Variants in COL4A1 observed in about 807,000 individuals in gnomAD.
COL4A1 encodes collagen alpha-1(IV) chain.
COL4A1 carries 40 observed loss-of-function variants against 216.6 expected under a neutral mutation model. The observed-to-expected ratio is 0.18, with a 90% CI of 0.14 to 0.24. The LOEUF (loss-of-function observed/expected upper bound fraction) is 0.24. Ranked by LOEUF, COL4A1 falls within the 10% of genes least tolerant of loss-of-function variation. COL4A1 has a pLI of 1.00. For missense variants in COL4A1, 1,628 were observed against 2,196.8 expected (o/e 0.74, Z 5.18); for synonymous variants, 839 against 810.7 (o/e 1.03, Z -0.59).
At chr13:110,304,978 T>A (rs1047710241) in intron 1 of COL4A1, among the ~76,000 whole-genome samples, 5 of 152,224 alleles carry the variant, frequency 3.3e-5, no homozygotes, top group Non-Finnish European at 5.9e-5. Context: ...TATTTCAGTG[T>A]TATGGTACAT....
chr13:110,265,867 A>C (rs1883007756), intron 1 of COL4A1: 1 of 152,140 alleles, frequency 6.6e-6, no homozygotes, highest in East Asian at 1.9e-4. Context: ...ACGAATTTCC[A>C]CTGAACACTA....
chr13:110,211,134 A>C lies in COL4A1; in HGVS notation c.468+513T>G, dbSNP rs1005067959. ...CCAGGTAAGCAGTTATCTCTACTGC[A>C]GCTGCTGAGACCTGTAAGCCTCCCT... On this transcript the variant is annotated intron_variant, in intron 8 of 51. Coordinates refer to ENST00000375820, the MANE Select transcript of COL4A1 (RefSeq NM_001845.6). The surrounding 1 kb of genome is among the most constrained non-coding windows in gnomAD (Gnocchi z 4.3). 4.6e-5 allele frequency among the ~76,000 whole-genome samples: 7 copies of C among 152,202 alleles called. No individual in the cohort carries two copies. The highest frequency in any genetic ancestry group is 1.0e-4 in the Non-Finnish European group (7 of 68,036).
At chr13:110,206,131 A>G (rs906298315) in intron 15 of COL4A1, among the ~76,000 whole-genome samples, 1 of 152,258 alleles carries the variant, frequency 6.6e-6, no homozygotes, top group Non-Finnish European at 1.5e-5. Flanking sequence ...CAAAGCTAAC[A>G]TTAGAGAAGT....
At chr13:110,167,710 T>C (rs1877409497) in intron 43 of COL4A1, among the ~76,000 whole-genome samples, 1 of 152,216 alleles carries the variant, frequency 6.6e-6, no homozygotes, top group African/African-American at 2.4e-5. Flanking sequence ...CAAAGAAAAT[T>C]AAGAAATGCT....
At chr13:110,222,683 G>C (rs1211095902) in intron 2 of COL4A1, among the ~76,000 whole-genome samples, 2 of 138,290 alleles carry the variant, frequency 1.4e-5, no homozygotes, top group African/African-American at 5.2e-5. Context: ...TGAGGCAAGA[G>C]AATGGCATGA....
intron 36 of COL4A1, 149 bp downstream of exon 36, chr13:110,176,275 C>A: frequency 2.8e-6 from 2 of 703,696 alleles, no homozygotes; most frequent in Non-Finnish European, 5.2e-6. Flanking sequence ...GAGCAGGAGA[C>A]CATTCAGAGC....
Position 110,177,835 on chromosome 13 carries a change from C to A in COL4A1, c.2716+7G>T, listed in dbSNP as rs1314153189. 1.9e-6 allele frequency: 3 copies of A among 1,613,784 alleles called. No individual in the cohort carries two copies. The Admixed American group carries it at 5.0e-5, about 27-fold the overall frequency. ...AAATGAGCTTCTAGGGTTATCAGCT[C>A]CCCTACCTTTTTCACCCGGTAATCC... On this transcript the variant is annotated splice_region_variant and intron_variant, in intron 33 of 51. Transcript: ENST00000375820.
intron 29 of COL4A1, among the ~76,000 whole-genome samples, chr13:110,180,801 G>A (rs1878115552): frequency 6.6e-6 from 1 of 152,196 alleles, no homozygotes; most frequent in Non-Finnish European, 1.5e-5. Context: ...CTGGGTGGAA[G>A]GGGGATGCTC....
Position 110,307,039 on chromosome 13 carries a change from C to T in COL4A1, c.-12G>A, listed in dbSNP as rs567808351. The T allele has an allele frequency of 2.7e-6, 4 of 1,455,998 alleles. No homozygotes were observed. The highest frequency in any genetic ancestry group is 5.9e-5 in the East Asian group (2 of 33,726). The allele number at this position is 1,455,998 out of a possible 1,614,324, so 90.2% of individuals were successfully genotyped here. A position where few individuals can be genotyped will look rare whatever the true frequency, so the allele number is the denominator to read the frequency against. On this transcript the variant is annotated 5_prime_UTR_variant, in exon 1 of 52. Transcript: ENST00000375820. This position sits in a 1 kb window ranked among gnomAD's most constrained non-coding sequence, Gnocchi z 5.0. Reference sequence around the variant, plus strand: ...AGCCGGGGCCCCATGGTGGCGCGCCCGAGGCGGCGAGGGACGGCTGCCCGG... The same window carrying T: ...AGCCGGGGCCCCATGGTGGCGCGCCTGAGGCGGCGAGGGACGGCTGCCCGG...
At chr13:110,192,327 T>C (rs767331625) in intron 23 of COL4A1, 43 bp from the exon 24 acceptor site, 5 of 1,571,130 alleles carry the variant, frequency 3.2e-6, no homozygotes, top group Admixed American at 1.7e-5. Flanking sequence ...ACAGCATTCA[T>C]GAGACACTTC....
intron 21 of COL4A1, among the ~76,000 whole-genome samples, chr13:110,195,553 T>C (rs1192461381): frequency 6.6e-6 from 1 of 152,142 alleles, no homozygotes; most frequent in African/African-American, 2.4e-5. Flanking sequence ...TCTAACCCAA[T>C]TTACAGCAAA....
rs185759641 is a variant in COL4A1 at position 110,273,528 on chromosome 13, C to A, written c.85-30794G>T. ...ACAGCCGAGCTCGCTCCTAAACACA[C>A]AGATCCTAGGACAGAGTCTGTTTCC... On this transcript the variant is annotated intron_variant, in intron 1 of 51. Transcript: ENST00000375820. Among the ~76,000 whole-genome samples the A allele has an allele frequency of 4.8e-3, 737 of 152,340 alleles. 4 individuals are homozygous for A. The highest frequency in any genetic ancestry group is 0.017 in the African/African-American group (689 of 41,566).
chr13:110,161,052 A>T, intron 49 of COL4A1, 140 bp downstream of exon 49: 1 of 944,804 alleles, frequency 1.1e-6, no homozygotes. Flanking sequence ...GATTTCCATT[A>T]CAAAACTCGA....
intron 23 of COL4A1, 81 bp downstream of exon 23, chr13:110,192,749 G>A (rs1878696107): frequency 3.3e-6 from 4 of 1,227,464 alleles, no homozygotes; most frequent in African/African-American, 1.5e-5. Context: ...GGCCTTCTAT[G>A]GAGTGAAATC....
chr13:110,183,356 G>A (rs1878265657), intron 26 of COL4A1, 80 bp from the exon 27 acceptor site: 2 of 1,343,876 alleles, frequency 1.5e-6, no homozygotes, highest in South Asian at 2.5e-5. Context: ...CAGTGGGTGG[G>A]CTGCACGCCA....
chr13:110,302,342 G>A (rs895935550), intron 1 of COL4A1, among the ~76,000 whole-genome samples: 2 of 151,298 alleles, frequency 1.3e-5, no homozygotes. Context: ...GACAGCCAAG[G>A]GGAGGCGTCG....
At position 110,170,576 on chromosome 13, in the gene COL4A1, C is replaced by A; in HGVS notation, c.3713G>T (p.Arg1238Leu). ...GHATEGPKGD[R>L]GPQGQPGLPG... ...CAGGCCAGGCTGGCCCTGAGGTCCG[C>A]GGTCTCCTTTGGGCCCCTCCGTGGC... is the stretch of plus-strand genomic sequence containing the variant. The change falls in exon 42 of 52, where the codon CGC (arginine) becomes CTC (leucine). Residue 1238 changes from arginine (R) to leucine (L), a missense_variant. Arg to Leu is a moderately radical substitution (Grantham distance 102). Coordinates refer to ENST00000375820, the MANE Select transcript of COL4A1 (RefSeq NM_001845.6). 6.2e-7 allele frequency: 1 copy of A among 1,607,872 alleles called. No homozygotes were observed. The highest frequency in any genetic ancestry group is 8.5e-7 in the Non-Finnish European group (1 of 1,177,068).
intron 20 of COL4A1, among the ~76,000 whole-genome samples, chr13:110,200,175 C>G (rs1311190389): frequency 6.6e-5 from 10 of 152,280 alleles, no homozygotes; most frequent in African/African-American, 2.4e-4. Flanking sequence ...GCGTTTCCAT[C>G]AGACGCTTAT....
At chr13:110,190,682 G>A (rs1393790907) in intron 24 of COL4A1, 1 of 152,164 alleles carries the variant, frequency 6.6e-6, no homozygotes, top group Non-Finnish European at 1.5e-5. Context: ...TTCTGAGCGA[G>A]TTAAATCACG....
Sources: allele counts gnomAD v4.1 joint callset (sites outside exome capture counted in the v4.1 genomes callset), GRCh38; gene constraint gnomAD v4.1.1; non-coding constraint Gnocchi (gnomAD v3.1); transcripts MANE v1.5; gene names NCBI Gene and HGNC (gene_info 2026-07-23, HGNC 2026-07-21).